SPTBN1: variants seen among roughly 807,000 people sequenced by gnomAD.
The protein encoded by SPTBN1 is spectrin beta chain, non-erythrocytic 1.
A neutral mutation model predicts 266.4 loss-of-function variants in SPTBN1; 32 were observed. That is an observed-to-expected ratio of 0.12 (90% CI 0.09 to 0.16). The LOEUF is 0.16. SPTBN1 is among the 10% of genes least tolerant of loss of function. The probability of loss-of-function intolerance (pLI) is 1.00; values close to 1 mark genes in which losing one functional copy is unlikely to be tolerated. For synonymous variants in SPTBN1, 1,336 were observed against 1,162.2 expected (o/e 1.15, Z -3.04); for missense variants, 2,296 against 3,067.1 (o/e 0.75, Z 5.94).
intron 2 of SPTBN1, among the ~76,000 whole-genome samples, chr2:54,548,646 G>T (rs1294457914): frequency 6.6e-6 from 1 of 152,214 alleles, no homozygotes; most frequent in Non-Finnish European, 1.5e-5. Flanking sequence ...AATTCAGAAG[G>T]CCTGCTTTCT....
In SPTBN1 at chr2:54,664,699, C is replaced by G; in HGVS notation, c.6659+8C>G. 1 of 1,612,872 alleles carries G rather than the reference C, an allele frequency of 6.2e-7. No individual in the cohort carries two copies. The highest frequency in any genetic ancestry group is 8.5e-7 in the Non-Finnish European group (1 of 1,179,190). On this transcript the variant is annotated splice_region_variant and intron_variant, in intron 33 of 35. Coordinates refer to ENST00000356805, the MANE Select transcript of SPTBN1 (RefSeq NM_003128.3). This position sits in a 1 kb window ranked among gnomAD's most constrained non-coding sequence, Gnocchi z 5.6. ...TAAGAAAGCCTCAAGCAGGTAACAGCAGCAGAGGCTGCCACAGTAAGATGG... is the reference window on the plus strand; with the variant it reads ...TAAGAAAGCCTCAAGCAGGTAACAGGAGCAGAGGCTGCCACAGTAAGATGG...
At position 54,617,697 on chromosome 2, in the gene SPTBN1, A is replaced by G. The variant is rs776540361; in HGVS notation, c.647+9A>G. 95 of 1,613,444 alleles carry G rather than the reference A, an allele frequency of 5.9e-5. No homozygotes were observed. Among genetic ancestry groups the G allele is most frequent in the Non-Finnish European group, 7.7e-5 (91 of 1,179,632 alleles). On this transcript the variant is annotated intron_variant, in intron 6 of 35. Transcript: ENST00000356805. The stretch of plus-strand genomic sequence containing the variant: ...CTGATACACAAACACCGGTAAGTCC[A>G]TACAAATCATCCTAGCAATCGTGGG...
At chr2:54,553,476 T>A (rs547024707) in intron 2 of SPTBN1, among the ~76,000 whole-genome samples, 15 of 152,314 alleles carry the variant, frequency 9.8e-5, no homozygotes, top group African/African-American at 3.4e-4. Context: ...GCCACGCTAA[T>A]GGAAGAGGAT....
In SPTBN1 at chr2:54,628,885, A is replaced by C. The variant is rs746839215; in HGVS notation, c.1799-48A>C. 6.5e-7 allele frequency: 1 copy of C among 1,536,092 alleles called. No homozygotes were observed. The highest frequency in any genetic ancestry group is 8.7e-7 in the Non-Finnish European group (1 of 1,143,624). ...ACTGCCTGCCAGTGAGCCTGCACCC[A>C]TGCTGAGCTCCCTCACACAGCCACG... On this transcript the variant is annotated intron_variant, in intron 13 of 35. Transcript: ENST00000356805. This position sits in a 1 kb window ranked among gnomAD's most constrained non-coding sequence, Gnocchi z 4.3.
intron 2 of SPTBN1, among the ~76,000 whole-genome samples, chr2:54,559,965 T>C (rs569312595): frequency 8.3e-4 from 127 of 152,264 alleles, no homozygotes; most frequent in Admixed American, 2.9e-3. Flanking sequence ...TTGACAGTAA[T>C]GACACTTCTC....
rs937087690 is a variant in SPTBN1 at position 54,670,966 on chromosome 2, T to A, written c.*2397T>A. On this transcript the variant is annotated 3_prime_UTR_variant, in exon 36 of 36. Transcript: ENST00000356805. ...TAGTTTTTGGGTTTTTTGTTTTTTT[T>A]TTATTCTTCCACTATCATGTTTTTT... 18 of 397,112 alleles carry A rather than the reference T, an allele frequency of 4.5e-5. No individual in the cohort carries two copies. Among genetic ancestry groups the A allele is most frequent in the Admixed American group, 3.1e-4 (7 of 22,688 alleles). 24.6% of individuals were successfully genotyped at this position (397,112 alleles called of 1,614,324 possible).
chr2:54,518,497 T>C (rs533446916), intron 1 of SPTBN1, among the ~76,000 whole-genome samples: 4 of 151,530 alleles, frequency 2.6e-5, no homozygotes, highest in African/African-American at 9.7e-5. Context: ...TAGATACTCC[T>C]TTTTGGCAAC....
In SPTBN1 at chr2:54,560,741, T is replaced by G. The variant is rs187142583; in HGVS notation, c.148+34175T>G. 1.4e-4 allele frequency among the ~76,000 whole-genome samples: 21 copies of G among 152,342 alleles called. No homozygotes were observed. The East Asian group carries it at 4.0e-3, about 29-fold the overall frequency. On this transcript the variant is annotated intron_variant, in intron 2 of 35. Coordinates refer to ENST00000356805, the MANE Select transcript of SPTBN1 (RefSeq NM_003128.3). ...TTTTTAAATATTGTGGTTTAGGAGT[T>G]GCACAAGTTTAGTGTTGGTATTTCT...
In SPTBN1 at chr2:54,649,080, C is replaced by T. The variant is rs771433368; in HGVS notation, c.5092C>T (p.His1698Tyr). 7.4e-6 allele frequency: 12 copies of T among 1,614,082 alleles called. No homozygotes were observed. The South Asian group carries it at 1.2e-4, about 16-fold the overall frequency. Residue 1698 changes from histidine (H) to tyrosine (Y), a missense_variant, in exon 25 of 36, where the codon CAC becomes TAC. His to Tyr is a moderately conservative substitution (Grantham distance 83). This residue lies in a region of SPTBN1 where 644 missense variants were observed against 745.3 expected (regional missense o/e 0.86). Transcript: ENST00000356805. This position sits in a 1 kb window ranked among gnomAD's most constrained non-coding sequence, Gnocchi z 6.7. The stretch of plus-strand genomic sequence containing the variant: ...GAGAAGAGGCAAGCTGGATGAGAGA[C>T]ACAGGTTATTCCAGCTCAACCGGGA... ...EERRGKLDER[H>Y]RLFQLNREVD...
At chr2:54,662,860 G>C (rs1681142585) in intron 32 of SPTBN1, 1 of 152,138 alleles carries the variant, frequency 6.6e-6, no homozygotes, top group African/African-American at 2.4e-5. Context: ...GCAAGGCCTT[G>C]GTGATCACCA....
At chr2:54,556,811 T>A (rs1196854061) in intron 2 of SPTBN1, among the ~76,000 whole-genome samples, 1 of 152,092 alleles carries the variant, frequency 6.6e-6, no homozygotes, top group Non-Finnish European at 1.5e-5. Flanking sequence ...CCTGTGGAGG[T>A]GGGCATTAAT....
intron 3 of SPTBN1, among the ~76,000 whole-genome samples, chr2:54,602,369 A>C (rs1676552374): frequency 1.3e-5 from 2 of 152,260 alleles, no homozygotes; most frequent in African/African-American, 4.8e-5. Context: ...CAGCGTTGAC[A>C]TGTGGAGAGA....
At position 54,456,511 on chromosome 2, in the gene SPTBN1, C is replaced by G. The variant is rs1353514760; in HGVS notation, c.-55C>G. The G allele has an allele frequency of 6.6e-6, 1 of 151,968 alleles. No individual in the cohort carries two copies. Among genetic ancestry groups the G allele is most frequent in the Non-Finnish European group, 1.5e-5 (1 of 67,960 alleles). The allele number at this position is 151,968 out of a possible 1,614,324, so 9.4% of individuals were successfully genotyped here. A position where few individuals can be genotyped will look rare whatever the true frequency, so the allele number is the denominator to read the frequency against. On this transcript the variant is annotated 5_prime_UTR_variant, in exon 1 of 36. Coordinates refer to ENST00000356805, the MANE Select transcript of SPTBN1 (RefSeq NM_003128.3). ...GGGACCCCGGCGCCCCCACCCCATC[C>G]CCGGGAGGTAGGTAGGGGGCCCGAG...
At chr2:54,663,592 A>C (rs1039464614) in intron 32 of SPTBN1, 3 of 152,264 alleles carry the variant, frequency 2.0e-5, no homozygotes, top group African/African-American at 7.2e-5. Flanking sequence ...GAGCCGCTGG[A>C]AGCCTGGCTG....
intron 1 of SPTBN1, among the ~76,000 whole-genome samples, chr2:54,517,677 G>A (rs13006815): frequency 0.14 from 21,013 of 147,772 alleles, 1,552 homozygotes; most frequent in Middle Eastern, 0.19. Context: ...ACAGAGTCTC[G>A]CTCTGCCACC....
intron 3 of SPTBN1, among the ~76,000 whole-genome samples, chr2:54,610,636 G>A (rs1392997865): frequency 6.6e-6 from 1 of 152,248 alleles, no homozygotes; most frequent in Non-Finnish European, 1.5e-5. Flanking sequence ...ATCTGCTGGT[G>A]TAGCTTCAGG....
intron 17 of SPTBN1, among the ~76,000 whole-genome samples, chr2:54,634,747 A>G (rs1160236049): frequency 6.6e-6 from 1 of 152,228 alleles, no homozygotes; most frequent in Admixed American, 6.5e-5. Flanking sequence ...TAGAATGTAA[A>G]GTCATTATAA....
chr2:54,659,377 A>G, intron 31 of SPTBN1, 111 bp downstream of exon 31: 1 of 1,029,536 alleles, frequency 9.7e-7, no homozygotes, highest in Non-Finnish European at 1.5e-6. Context: ...TGCCCTGCCT[A>G]CTGATTGCTT....
chr2:54,458,980 T>C (rs558499590), intron 1 of SPTBN1, among the ~76,000 whole-genome samples: 6 of 152,338 alleles, frequency 3.9e-5, no homozygotes, highest in African/African-American at 1.2e-4. Context: ...CTAATAGCCA[T>C]TAAAATATGA....
Sources: gnomAD v4.1 joint callset for allele counts (sites outside exome capture counted in the v4.1 genomes callset) on GRCh38, gnomAD v4.1.1 for gene constraint, gnomAD v4.1.1 regional missense constraint, Gnocchi (gnomAD v3.1) non-coding constraint, MANE v1.5 for transcripts, NCBI Gene and HGNC (gene_info 2026-07-23, HGNC 2026-07-21) for gene names.